DOK6: variants seen among roughly 807,000 people sequenced by gnomAD.
DOK6 encodes the protein docking protein 6.
Under a neutral mutation model 44.0 loss-of-function variants are expected in DOK6, and 22 were observed. The ratio of observed to expected loss-of-function variants is 0.50; its 90% CI spans 0.36 to 0.71. The LOEUF is 0.71. DOK6 is among the 30% of genes least tolerant of loss of function. The probability of loss-of-function intolerance (pLI) is 0.00; values close to 1 mark genes in which losing one functional copy is unlikely to be tolerated. For synonymous variants in DOK6, 166 were observed against 145.5 expected (o/e 1.14, Z -1.01); for missense variants, 340 against 416.4 (o/e 0.82, Z 1.60).
chr18:69,496,185 G>A (rs1274655288), intron 1 of DOK6, among the ~76,000 whole-genome samples: 1 of 152,360 alleles, frequency 6.6e-6, no homozygotes, highest in Admixed American at 6.5e-5. Flanking sequence ...CCCACTTTGA[G>A]ATGTCACCGT....
chr18:69,833,599 A>G (rs572091296), intron 7 of DOK6, among the ~76,000 whole-genome samples: 28 of 152,288 alleles, frequency 1.8e-4, no homozygotes, highest in African/African-American at 6.7e-4. Flanking sequence ...AGCAAAGGAA[A>G]AAAAGCTAAC....
chr18:69,564,291 G>A (rs9965029), intron 1 of DOK6, among the ~76,000 whole-genome samples, 196 bp from the exon 2 acceptor site: 145,828 of 152,286 alleles, frequency 0.96, 70,165 homozygotes, highest in East Asian at 1. Context: ...ACCTCAAAAC[G>A]AAATCTTTTC....
At chr18:69,806,583 C>A (rs1981056619) in intron 7 of DOK6, among the ~76,000 whole-genome samples, 1 of 151,834 alleles carries the variant, frequency 6.6e-6, no homozygotes, top group South Asian at 2.1e-4. Flanking sequence ...TGACTAGAAA[C>A]AAACTAGATG....
intron 1 of DOK6, among the ~76,000 whole-genome samples, chr18:69,415,819 T>C (rs1441187668): frequency 6.6e-6 from 1 of 152,078 alleles, no homozygotes; most frequent in Non-Finnish European, 1.5e-5. Flanking sequence ...AACCTTACGA[T>C]TCATATATTA....
chr18:69,836,983 A>G (rs1982072006), intron 7 of DOK6, among the ~76,000 whole-genome samples: 1 of 152,244 alleles, frequency 6.6e-6, no homozygotes, highest in Non-Finnish European at 1.5e-5. Flanking sequence ...TGTATTAAAT[A>G]GCATCATTTG....
intron 5 of DOK6, among the ~76,000 whole-genome samples, chr18:69,717,591 T>C (rs989734119): frequency 2.6e-5 from 4 of 152,064 alleles, no homozygotes. Flanking sequence ...AAGTACTGGG[T>C]TTAGTCACAG....
intron 1 of DOK6, among the ~76,000 whole-genome samples, chr18:69,517,211 T>C (rs1319836380): frequency 6.6e-6 from 1 of 152,280 alleles, no homozygotes; most frequent in East Asian, 1.9e-4. Flanking sequence ...GATTAACAAG[T>C]GGTCTTATTA....
At chr18:69,514,070 C>A (rs1320169841) in intron 1 of DOK6, among the ~76,000 whole-genome samples, 1 of 151,666 alleles carries the variant, frequency 6.6e-6, no homozygotes, top group Non-Finnish European at 1.5e-5. Flanking sequence ...GCAAAATGAA[C>A]AATGTAAGAT....
At chr18:69,527,454 A>G (rs1240814404) in intron 1 of DOK6, among the ~76,000 whole-genome samples, 1 of 152,136 alleles carries the variant, frequency 6.6e-6, no homozygotes, top group African/African-American at 2.4e-5. Context: ...TTCTAAAACC[A>G]TCAGCTCTCC....
chr18:69,429,040 G>T (rs78613516), intron 1 of DOK6, among the ~76,000 whole-genome samples: 1 of 152,156 alleles, frequency 6.6e-6, no homozygotes, highest in Non-Finnish European at 1.5e-5. Context: ...GGACTACTTC[G>T]ATCTGGAATA....
chr18:69,685,793 C>A (rs998064348), intron 4 of DOK6, among the ~76,000 whole-genome samples: 4 of 152,150 alleles, frequency 2.6e-5, no homozygotes, highest in African/African-American at 9.7e-5. Context: ...ATCAGAGTAT[C>A]TTTGCGTTAT....
chr18:69,533,610 A>G (rs886938886), intron 1 of DOK6, among the ~76,000 whole-genome samples: 1 of 151,680 alleles, frequency 6.6e-6, no homozygotes, highest in African/African-American at 2.4e-5. Context: ...ATATGGAGTT[A>G]TTTTTATTTC....
At chr18:69,556,595 G>C (rs552727708) in intron 1 of DOK6, among the ~76,000 whole-genome samples, 173 of 152,198 alleles carry the variant, frequency 1.1e-3, no homozygotes, top group South Asian at 2.7e-3. Flanking sequence ...GCAGAAACTT[G>C]GTTTTTGTTG....
intron 3 of DOK6, among the ~76,000 whole-genome samples, chr18:69,672,650 G>T (rs181943135): frequency 6.9e-6 from 1 of 144,162 alleles, no homozygotes; most frequent in Non-Finnish European, 1.5e-5. Context: ...GAGCCACTGC[G>T]CCCGGCAGTG....
intron 3 of DOK6, among the ~76,000 whole-genome samples, chr18:69,613,803 A>G (rs1021503623): frequency 1.3e-5 from 2 of 151,842 alleles, no homozygotes; most frequent in African/African-American, 4.8e-5. Context: ...TGTATTCCAT[A>G]ATATAATGAG....
At chr18:69,708,829 A>AC (rs1424376182) in intron 5 of DOK6, among the ~76,000 whole-genome samples, 1 of 151,994 alleles carries the variant, frequency 6.6e-6, no homozygotes, top group Non-Finnish European at 1.5e-5. Context: ...AGGGCTTTGA[A>AC]AGCTGTAACA....
chr18:69,491,030 G>A (rs1162056273), intron 1 of DOK6, among the ~76,000 whole-genome samples: 4 of 152,172 alleles, frequency 2.6e-5, no homozygotes, highest in Non-Finnish European at 5.9e-5. Flanking sequence ...ATTAACCAAT[G>A]GCATGGTATA....
intron 1 of DOK6, among the ~76,000 whole-genome samples, chr18:69,559,730 G>A (rs1033015332): frequency 2.0e-5 from 3 of 152,078 alleles, no homozygotes; most frequent in Admixed American, 2.0e-4. Context: ...TTTTTTCACA[G>A]TTCTGGAGTT....
At chr18:69,522,284 A>G (rs1981709574) in intron 1 of DOK6, among the ~76,000 whole-genome samples, 1 of 151,980 alleles carries the variant, frequency 6.6e-6, no homozygotes, top group Admixed American at 6.6e-5. Flanking sequence ...CAAATGGCAA[A>G]TGGCTGAAGG....
Sources: allele counts gnomAD v4.1 joint callset (sites outside exome capture counted in the v4.1 genomes callset), GRCh38; gene constraint gnomAD v4.1.1; transcripts MANE v1.5; gene names NCBI Gene and HGNC (gene_info 2026-07-23, HGNC 2026-07-21).